SPHKAP: variants seen among roughly 807,000 people sequenced by gnomAD.
SPHKAP encodes SPHK1 interactor, AKAP domain containing.
A neutral mutation model predicts 137.5 loss-of-function variants in SPHKAP; 67 were observed. The ratio of observed to expected loss-of-function variants is 0.49; its 90% CI spans 0.40 to 0.60. The LOEUF is 0.60. Ranked by LOEUF, SPHKAP falls within the 20% of genes least tolerant of loss-of-function variation. The probability of loss-of-function intolerance (pLI) is 0.00; values close to 1 mark genes in which losing one functional copy is unlikely to be tolerated. For synonymous variants in SPHKAP, 813 were observed against 785.3 expected, an observed-to-expected ratio of 1.04 and a Z score of -0.59; for missense variants, 2,097 against 2,069.3, an observed-to-expected ratio of 1.01 and a Z score of -0.26.
At chr2:228,154,528 A>T (rs1700043755) in intron 1 of SPHKAP, among the ~76,000 whole-genome samples, 10 of 50,386 alleles carry the variant, frequency 2.0e-4, no homozygotes, top group Non-Finnish European at 3.4e-4. Context: ...ATATATATAT[A>T]TATATTTTTT....
chr2:228,158,771 C>T (rs1201328657), intron 1 of SPHKAP, among the ~76,000 whole-genome samples: 1 of 152,150 alleles, frequency 6.6e-6, no homozygotes, highest in African/African-American at 2.4e-5. Context: ...ATTTCAAATA[C>T]AACTTATTTC....
intron 3 of SPHKAP, among the ~76,000 whole-genome samples, chr2:228,099,974 C>T (rs552389044): frequency 3.9e-5 from 6 of 152,116 alleles, no homozygotes; most frequent in South Asian, 2.1e-4. Flanking sequence ...CTCAGCCTCC[C>T]GAGTAGCTGG....
chr2:228,161,361 G>A (rs1700267060), intron 1 of SPHKAP, among the ~76,000 whole-genome samples: 1 of 152,226 alleles, frequency 6.6e-6, no homozygotes, highest in Non-Finnish European at 1.5e-5. Flanking sequence ...AGGCTACTGA[G>A]TTGGCCCAAT....
At chr2:227,988,947 A>G (rs1693312188) in intron 11 of SPHKAP, among the ~76,000 whole-genome samples, 1 of 152,220 alleles carries the variant, frequency 6.6e-6, no homozygotes, top group African/African-American at 2.4e-5. Flanking sequence ...GCAGGCAGAC[A>G]TAGGCATGAA....
chr2:228,170,459 C>A (rs1166358216), intron 1 of SPHKAP, among the ~76,000 whole-genome samples: 1 of 152,056 alleles, frequency 6.6e-6, no homozygotes, highest in Non-Finnish European at 1.5e-5. Flanking sequence ...CAGAGTCAAT[C>A]TGTGGAGCAA....
chr2:228,109,414 G>C (rs370987770), intron 2 of SPHKAP: 1 of 973,514 alleles, frequency 1.0e-6, no homozygotes, highest in South Asian at 4.7e-5. Context: ...AATTTTTCTA[G>C]AACACCTAAG....
intron 11 of SPHKAP, among the ~76,000 whole-genome samples, chr2:227,983,954 A>G (rs1394560662): frequency 6.6e-6 from 1 of 152,060 alleles, no homozygotes; most frequent in African/African-American, 2.4e-5. Flanking sequence ...CTTCATGCTC[A>G]TGGTAACAGC....
intron 3 of SPHKAP, among the ~76,000 whole-genome samples, chr2:228,053,526 G>A (rs1696334304): frequency 6.6e-6 from 1 of 152,068 alleles, no homozygotes; most frequent in South Asian, 2.1e-4. Context: ...GCTGGGGGGA[G>A]TGTCTTAGTG....
intron 7 of SPHKAP, among the ~76,000 whole-genome samples, chr2:228,005,017 G>C (rs1056859789): frequency 6.6e-6 from 1 of 152,186 alleles, no homozygotes; most frequent in East Asian, 1.9e-4. Context: ...GTTCTGAGAA[G>C]AATGTATATT....
chr2:228,131,959 A>T, intron 2 of SPHKAP, 21 bp downstream of exon 2: 1 of 1,609,532 alleles, frequency 6.2e-7, no homozygotes. Flanking sequence ...ACAAGAAGAA[A>T]GTGGCGTAAG....
chr2:228,116,752 C>T (rs984143281), intron 2 of SPHKAP, among the ~76,000 whole-genome samples: 3 of 152,106 alleles, frequency 2.0e-5, no homozygotes, highest in Non-Finnish European at 4.4e-5. Flanking sequence ...TAATTCAGCT[C>T]TCTCTTGCTA....
At chr2:228,065,969 TG>T (rs1696815855) in intron 3 of SPHKAP, among the ~76,000 whole-genome samples, 1 of 152,104 alleles carries the variant, frequency 6.6e-6, no homozygotes, top group Non-Finnish European at 1.5e-5. Context: ...TGCAAAAACG[TG>T]TCAGAACAAT....
rs1389001977 is a variant in SPHKAP at position 227,980,648 on chromosome 2, A to G, written c.*1069T>C. 6.7e-6 allele frequency: 1 copy of G among 149,338 alleles called. No homozygotes were observed. The highest frequency in any genetic ancestry group is 2.4e-5 in the African/African-American group (1 of 41,204). 9.3% of individuals were successfully genotyped at this position (149,338 alleles called of 1,614,324 possible). On this transcript the variant is annotated 3_prime_UTR_variant, in exon 12 of 12. Transcript: ENST00000392056. ...AATATCTACGAGTCAGGGAAAGTCT[A>G]TGATCCTAACTGATCATGTCAAACA... is the stretch of plus-strand genomic sequence containing the variant.
chr2:228,032,419 A>G (rs973019633), intron 3 of SPHKAP, among the ~76,000 whole-genome samples: 2 of 152,206 alleles, frequency 1.3e-5, no homozygotes, highest in Admixed American at 6.5e-5. Flanking sequence ...TGTACCTGAA[A>G]CTGACGGGGA....
At chr2:228,131,219 A>C in intron 2 of SPHKAP, 1 of 835,412 alleles carries the variant, frequency 1.2e-6, no homozygotes, top group Non-Finnish European at 1.4e-6. Flanking sequence ...GTTAATTTAC[A>C]TCTATAAGAA....
intron 3 of SPHKAP, among the ~76,000 whole-genome samples, chr2:228,034,069 CA>C (rs1695469896): frequency 1.3e-5 from 2 of 152,098 alleles, no homozygotes; most frequent in East Asian, 1.9e-4. Flanking sequence ...AAAAATCCTT[CA>C]AAAAATTAAT....
intron 8 of SPHKAP, 77 bp from the exon 9 acceptor site, chr2:227,993,697 G>T: frequency 7.8e-7 from 1 of 1,287,268 alleles, no homozygotes; most frequent in Non-Finnish European, 1.1e-6. Context: ...TTCCATTGTT[G>T]TACAAGCTCC....
intron 3 of SPHKAP, among the ~76,000 whole-genome samples, chr2:228,044,641 T>TG (rs1695968286): frequency 6.6e-6 from 1 of 152,122 alleles, no homozygotes; most frequent in Non-Finnish European, 1.5e-5. Flanking sequence ...AAACTATAGT[T>TG]GACACATAAT....
At position 228,017,168 on chromosome 2, in the gene SPHKAP, C is replaced by T. The variant is rs754167845; in HGVS notation, c.3686G>A (p.Arg1229Gln). ...CGACTGTCTGTGGCACACTGGGGAT[C>T]GCAGAGAAGGAGACAGCAGGCCGGC... ...WTAGLLSPSLRSPVCHRQSSM... is the reference protein window; with the variant it reads ...WTAGLLSPSLQSPVCHRQSSM... Residue 1229 changes from arginine (R) to glutamine (Q), a missense_variant, in exon 7 of 12, where the codon CGA (arginine) becomes CAA (glutamine). Physicochemically the swap from Arg to Gln is conservative, Grantham distance 43. Transcript: ENST00000392056. 6.2e-6 allele frequency: 10 copies of T among 1,613,758 alleles called. No individual in the cohort carries two copies. Among genetic ancestry groups the T allele is most frequent in the Admixed American group, 1.7e-5 (1 of 59,998 alleles).
Sources: allele counts gnomAD v4.1 joint callset (sites outside exome capture counted in the v4.1 genomes callset), GRCh38; gene constraint gnomAD v4.1.1; transcripts MANE v1.5; gene names NCBI Gene and HGNC (gene_info 2026-07-23, HGNC 2026-07-21).